Variants in SGPL1 observed in about 807,000 individuals in gnomAD.
SGPL1 encodes the protein sphingosine-1-phosphate lyase 1, also known as SP-lyase 1.
A neutral mutation model predicts 68.9 loss-of-function variants in SGPL1; 37 were observed. The ratio of observed to expected loss-of-function variants is 0.54; its 90% CI spans 0.41 to 0.71. SGPL1 has a LOEUF of 0.71. Among genes scored for constraint, SGPL1 ranks in the 30% least tolerant of loss-of-function variants. The pLI, the probability that SGPL1 is intolerant of heterozygous loss-of-function variation, is 0.00. For synonymous variants in SGPL1, 236 were observed against 248.5 expected (o/e 0.95, Z 0.47); for missense variants, 551 against 704.6 (o/e 0.78, Z 2.47).
rs1267394626 is a variant in SGPL1 at position 70,868,412 on chromosome 10, A to C, written c.683A>C (p.Lys228Thr). ...GCATATCGGGATCTGGCCTTTGAGAAGGGGATCAAAACTCCAGAAATGTAT... is the reference window on the plus strand; with the variant it reads ...GCATATCGGGATCTGGCCTTTGAGACGGGGATCAAAACTCCAGAAATGTAT... ...CKAYRDLAFE[K>T]GIKTPEIVAP... The change falls in exon 8 of 15, where the codon AAG becomes ACG. Residue 228 changes from lysine to threonine, a missense_variant. By Grantham distance (78) the Lys-to-Thr change is moderately conservative. Transcript: ENST00000373202. The C allele has an allele frequency of 5.0e-6, 8 of 1,613,846 alleles. No homozygotes were observed. The Admixed American group carries it at 1.0e-4, about 20-fold the overall frequency.
intron 3 of SGPL1, among the ~76,000 whole-genome samples, chr10:70,846,090 G>A (rs1845787575): frequency 1.3e-5 from 2 of 152,168 alleles, no homozygotes; most frequent in South Asian, 4.1e-4. Flanking sequence ...TTAAATTAAA[G>A]TGGAAATGAG....
At chr10:70,875,380 T>C in intron 12 of SGPL1, 22 bp from the exon 13 acceptor site, 1 of 1,531,018 alleles carries the variant, frequency 6.5e-7, no homozygotes, top group South Asian at 1.1e-5. Context: ...TTTTCTTCCT[T>C]CATTTATTTT....
chr10:70,829,593 C>T (rs1028250208), intron 2 of SGPL1, among the ~76,000 whole-genome samples: 2 of 151,458 alleles, frequency 1.3e-5, no homozygotes, highest in South Asian at 2.1e-4. Context: ...TTCTCCTGAA[C>T]GTTTTGTTGA....
At chr10:70,838,646 T>C (rs1030996139) in intron 2 of SGPL1, among the ~76,000 whole-genome samples, 2 of 152,210 alleles carry the variant, frequency 1.3e-5, no homozygotes, top group African/African-American at 4.8e-5. Flanking sequence ...ATTCTAAATT[T>C]AAGGAAGCCA....
intron 1 of SGPL1, 147 bp from the exon 2 acceptor site, chr10:70,816,664 G>C: frequency 1.4e-6 from 1 of 700,054 alleles, no homozygotes; most frequent in East Asian, 2.5e-5. Flanking sequence ...GGTCTGGGGT[G>C]CTAGGGGTGG....
At chr10:70,843,473 T>C (rs764661776) in intron 2 of SGPL1, among the ~76,000 whole-genome samples, 12 of 152,238 alleles carry the variant, frequency 7.9e-5, no homozygotes, top group Non-Finnish European at 1.3e-4. Context: ...TAGATATGAA[T>C]AGAACTGGTC....
intron 2 of SGPL1, among the ~76,000 whole-genome samples, chr10:70,831,197 G>A (rs778486238): frequency 5.3e-5 from 8 of 152,148 alleles, no homozygotes; most frequent in Non-Finnish European, 8.8e-5. Flanking sequence ...ATTGGAAGCC[G>A]TAGGGAAAAA....
chr10:70,846,023 G>A (rs932915053), intron 3 of SGPL1, among the ~76,000 whole-genome samples: 2 of 152,120 alleles, frequency 1.3e-5, no homozygotes, highest in Non-Finnish European at 2.9e-5. Context: ...CATTTATGGC[G>A]CAGTAAACAT....
At chr10:70,834,207 A>G (rs2131866760) in intron 2 of SGPL1, among the ~76,000 whole-genome samples, 1 of 152,334 alleles carries the variant, frequency 6.6e-6, no homozygotes, top group East Asian at 1.9e-4. Flanking sequence ...AGGGAGGTTT[A>G]CAAAATACAC....
chr10:70,837,835 G>T (rs1190526746), intron 2 of SGPL1, among the ~76,000 whole-genome samples: 4 of 152,150 alleles, frequency 2.6e-5, no homozygotes, highest in African/African-American at 7.2e-5. Flanking sequence ...GGTTCTAGAG[G>T]CTGGGAAGTC....
intron 2 of SGPL1, among the ~76,000 whole-genome samples, chr10:70,837,473 A>G (rs1845644310): frequency 6.6e-6 from 1 of 152,190 alleles, no homozygotes; most frequent in South Asian, 2.1e-4. Flanking sequence ...CTCTGTAATC[A>G]GAGGGTCACC....
rs66962270 is a variant in SGPL1 at position 70,835,735 on chromosome 10, C to CAAAAAAAAA, written c.28-8728_28-8720dup. ...TGGGTGACAGAGCAAGACTCCGTCT[C>CAAAAAAAAA]AAAAAAAAAAAAAAAAAAGAAATGC... On this transcript the variant is annotated intron_variant, in intron 2 of 14. Coordinates refer to ENST00000373202, the MANE Select transcript of SGPL1 (RefSeq NM_003901.4). Among the ~76,000 whole-genome samples the CAAAAAAAAA allele has an allele frequency of 5.8e-3, 407 of 70,082 alleles. 8 individuals carry two copies. Among genetic ancestry groups the CAAAAAAAAA allele is most frequent in the African/African-American group, 0.023 (392 of 16,746 alleles). The allele number at this position is 70,082 out of a possible 152,430, so 46.0% of individuals were successfully genotyped here. A position where few individuals can be genotyped will look rare whatever the true frequency, so the allele number is the denominator to read the frequency against.
rs188305083 is a variant in SGPL1 at position 70,842,109 on chromosome 10, C to G, written c.28-2364C>G. 1.3e-3 allele frequency among the ~76,000 whole-genome samples: 204 copies of G among 152,008 alleles called. 1 individual carries two copies. Among genetic ancestry groups the G allele is most frequent in the African/African-American group, 4.9e-3 (202 of 41,462 alleles). On this transcript the variant is annotated intron_variant, in intron 2 of 14. Transcript: ENST00000373202. ...GTAGTTCATGTAGATCTGTCTTCTT[C>G]TTAATGTTTCATGGTATGGGTACAT...
rs1194283353 is a variant in SGPL1, at chr10:70,855,795, TG to T, written c.409+941del. Among the ~76,000 whole-genome samples, 10 of 152,346 alleles carry T rather than the reference TG, an allele frequency of 6.6e-5. 1 individual carries two copies. The South Asian group carries it at 1.4e-3, about 22-fold the overall frequency. On this transcript the variant is annotated intron_variant, in intron 5 of 14. Transcript: ENST00000373202. Reference sequence around the variant, plus strand: ...AGATTTCCCTATACCCAGCTTCTCCTGATGTTAACATCCTCTATAACCATGG... The same window carrying T: ...AGATTTCCCTATACCCAGCTTCTCCTATGTTAACATCCTCTATAACCATGG...
intron 2 of SGPL1, among the ~76,000 whole-genome samples, chr10:70,833,978 A>G (rs1181393815): frequency 6.6e-6 from 1 of 152,060 alleles, no homozygotes; most frequent in Admixed American, 6.5e-5. Flanking sequence ...CAATGAATTG[A>G]TATCTAGTAG....
Position 70,816,780 on chromosome 10 carries a change from A to T in SGPL1, c.-43-31A>T, listed in dbSNP as rs927096730. 2.7e-6 allele frequency: 4 copies of T among 1,465,448 alleles called. No homozygotes were observed. The African/African-American group carries it at 5.6e-5, about 20-fold the overall frequency. 90.8% of individuals were successfully genotyped at this position (1,465,448 alleles called of 1,614,324 possible). ...GGCTGGCGAGACAGTTTAAAGCTCT[A>T]GAAGTAAACAAACCTGGTTCCCTTT... On this transcript the variant is annotated intron_variant, in intron 1 of 14. Coordinates refer to ENST00000373202, the MANE Select transcript of SGPL1 (RefSeq NM_003901.4).
chr10:70,872,840 C>T (rs567563589), intron 11 of SGPL1, among the ~76,000 whole-genome samples: 1 of 151,958 alleles, frequency 6.6e-6, no homozygotes, highest in African/African-American at 2.4e-5. Context: ...ATAAGGAAAC[C>T]AGTTACATAG....
At chr10:70,852,840 C>G (rs1221744659) in intron 4 of SGPL1, among the ~76,000 whole-genome samples, 4 of 152,164 alleles carry the variant, frequency 2.6e-5, no homozygotes, top group Non-Finnish European at 5.9e-5. Context: ...TGGTGGTGAA[C>G]AAGACCAAAT....
rs756316152 is a variant in SGPL1 at position 70,873,523 on chromosome 10, T to G, written c.1232T>G (p.Phe411Cys). ...GCCTGTTGGGCTGCCTTGATGCACT[T>G]CGGTGAGAACGGCTATGTTGAAGCT... is the stretch of plus-strand genomic sequence containing the variant. ...SAACWAALMH[F>C]GENGYVEATK... is the part of the protein sequence containing the mutation. The change falls in exon 12 of 15, where the codon TTC (phenylalanine) becomes TGC (cysteine). Residue 411 changes from phenylalanine to cysteine, a missense_variant. Phe to Cys is a radical substitution (Grantham distance 205, BLOSUM62 -2). Coordinates refer to ENST00000373202, the MANE Select transcript of SGPL1 (RefSeq NM_003901.4). 3.8e-5 allele frequency: 61 copies of G among 1,614,152 alleles called. No homozygotes were observed. The highest frequency in any genetic ancestry group is 5.1e-5 in the Non-Finnish European group (60 of 1,180,046).
Sources: allele counts gnomAD v4.1 joint callset (sites outside exome capture counted in the v4.1 genomes callset), GRCh38; gene constraint gnomAD v4.1.1; transcripts MANE v1.5; gene names NCBI Gene and HGNC (gene_info 2026-07-23, HGNC 2026-07-21).